Variants in CEP76 observed in about 807,000 individuals in gnomAD.
CEP76 encodes the protein centrosomal protein 76, also known as centrosomal protein of 76 kDa.
Under a neutral mutation model 83.3 loss-of-function variants are expected in CEP76, and 55 were observed. The observed-to-expected ratio is 0.66, with a 90% CI of 0.53 to 0.83. The LOEUF (loss-of-function observed/expected upper bound fraction) is 0.83, where lower values mean the gene tolerates loss of function less well. Among genes scored for constraint, CEP76 ranks in the 40% least tolerant of loss-of-function variants. The pLI is 0.00. For missense variants in CEP76, 694 were observed against 799.5 expected, an observed-to-expected ratio of 0.87 and a Z score of 1.59; for synonymous variants, 270 against 274.5, an observed-to-expected ratio of 0.98 and a Z score of 0.16.
At chr18:12,694,961 C>T (rs886741628) in intron 6 of CEP76, among the ~76,000 whole-genome samples, 15 of 151,958 alleles carry the variant, frequency 9.9e-5, no homozygotes, top group African/African-American at 2.9e-4. Flanking sequence ...GTGATCCGCC[C>T]GCCTCGGCCT....
In CEP76 at chr18:12,697,322, C is replaced by G. The variant is rs74943012; in HGVS notation, c.607G>C (p.Gly203Arg). 1.0e-3 allele frequency: 1,650 copies of G among 1,613,796 alleles called. 5 individuals carry two copies. The Middle Eastern group carries it at 0.01, about 10-fold the overall frequency. ...HMVLIKTDIFGETTLVASYFL... is the reference protein window; with the variant it reads ...HMVLIKTDIFRETTLVASYFL... The stretch of plus-strand genomic sequence containing the variant: ...TATGATGCTACTAAAGTCGTCTCAC[C>G]AAATATGTCTGTTTTGATTAGCACC... Residue 203 changes from glycine to arginine, a missense_variant, in exon 5 of 12, where the codon GGT becomes CGT. By Grantham distance (125) the Gly-to-Arg change is moderately radical. Coordinates refer to ENST00000262127, the MANE Select transcript of CEP76 (RefSeq NM_024899.4).
At chr18:12,691,102 C>T (rs930290475) in intron 7 of CEP76, 11 of 326,196 alleles carry the variant, frequency 3.4e-5, no homozygotes, top group African/African-American at 2.4e-4. Flanking sequence ...GGGTTTAAAA[C>T]ACAATAATTG....
chr18:12,687,316 C>T (rs958606944), intron 7 of CEP76, among the ~76,000 whole-genome samples: 1 of 152,050 alleles, frequency 6.6e-6, no homozygotes, highest in Non-Finnish European at 1.5e-5. Context: ...CCAATATAGT[C>T]CCATACTTTA....
chr18:12,695,228 A>G, intron 6 of CEP76, 26 bp downstream of exon 6: 1 of 1,074,894 alleles, frequency 9.3e-7, no homozygotes, highest in Non-Finnish European at 1.3e-6. Flanking sequence ...AAACACACAA[A>G]AAAAGAGAAA....
chr18:12,693,405 G>C (rs2039836005), intron 6 of CEP76, among the ~76,000 whole-genome samples: 1 of 151,722 alleles, frequency 6.6e-6, no homozygotes, highest in African/African-American at 2.4e-5. Flanking sequence ...GCCTGAGAGA[G>C]TGAGATGCTG....
chr18:12,671,866 G>A (rs766683287), downstream of CEP76, among the ~76,000 whole-genome samples: 2 of 152,082 alleles, frequency 1.3e-5, no homozygotes, highest in South Asian at 2.1e-4. Flanking sequence ...TGTTGCCCAC[G>A]CTGGAGTACA....
intron 9 of CEP76, among the ~76,000 whole-genome samples, chr18:12,678,728 G>C (rs964626438): frequency 1.3e-5 from 2 of 149,304 alleles, no homozygotes; most frequent in East Asian, 3.9e-4. Context: ...GGCCGAGGCA[G>C]GGGGATCACC....
chr18:12,676,279 CTTTTTTTTTTT>C (rs1157897766), intron 10 of CEP76, among the ~76,000 whole-genome samples: 10 of 106,430 alleles, frequency 9.4e-5, no homozygotes, highest in East Asian at 5.8e-4. Flanking sequence ...ACAGTAATTC[CTTTTTTTTTTT>C]TTTTTTTTTT....
In CEP76 at chr18:12,698,959, A is replaced by G. The variant is rs1243308998; in HGVS notation, c.520+20T>C. ...ACAAAGATTTACTCAATTAAATGAC[A>G]ATTTATTACTGTTTCTTACCCAAGC... On this transcript the variant is annotated intron_variant, in intron 4 of 11. Transcript: ENST00000262127. The G allele has an allele frequency of 3.3e-6, 5 of 1,500,532 alleles. No individual in the cohort carries two copies. In the East Asian group the frequency reaches 6.8e-5, roughly 20 times the overall value. The allele number at this position is 1,500,532 out of a possible 1,614,324, so 93.0% of individuals were successfully genotyped here. A position where few individuals can be genotyped will look rare whatever the true frequency, so the allele number is the denominator to read the frequency against.
Position 12,702,559 on chromosome 18 carries a change from G to C in CEP76, c.-11C>G, listed in dbSNP as rs1464678719. The C allele has an allele frequency of 6.4e-7, 1 of 1,569,396 alleles. No individual in the cohort carries two copies. The highest frequency in any genetic ancestry group is 8.6e-7 in the Non-Finnish European group (1 of 1,159,932). ...CGGAGGCAGCGACATGCTGGCAGCC[G>C]GCGTCTCCCCGCCGCTTCTCCCCGC... is the stretch of plus-strand genomic sequence containing the variant. On this transcript the variant is annotated 5_prime_UTR_variant, in exon 1 of 12. Coordinates refer to ENST00000262127, the MANE Select transcript of CEP76 (RefSeq NM_024899.4).
chr18:12,694,475 G>A lies in CEP76; in HGVS notation c.804+779C>T, dbSNP rs537695908. Among the ~76,000 whole-genome samples, 28 of 152,228 alleles carry A rather than the reference G, an allele frequency of 1.8e-4. No individual in the cohort carries two copies. The South Asian group carries it at 5.4e-3, about 29-fold the overall frequency. On this transcript the variant is annotated intron_variant, in intron 6 of 11. Transcript: ENST00000262127. ...ATGTGAAGGAATGAAAAAATCTGCC[G>A]ATCTTTTAAGACCCAGGAAGAAAGT...
rs1228470079 is a variant in CEP76 at position 12,673,472 on chromosome 18, G to A, written c.1873C>T (p.Arg625Cys). 13 of 1,584,098 alleles carry A rather than the reference G, an allele frequency of 8.2e-6. No homozygotes were observed. Among genetic ancestry groups the A allele is most frequent in the East Asian group, 2.3e-5 (1 of 43,252 alleles). The change falls in exon 12 of 12, where the codon CGT becomes TGT. Residue 625 changes from arginine to cysteine, a missense_variant. Transcript: ENST00000262127. ...ACTGCCAGTCGCACTTGGTCTCCAC[G>A]GCAACAGATTATTTCTTCACAGAAA... Reference protein sequence around the residue: ...SPFCEEIICCRGDQVRLAVRV... With the variant: ...SPFCEEIICCCGDQVRLAVRV...
chr18:12,669,847 A>C (rs374491327), downstream of CEP76, among the ~76,000 whole-genome samples: 1 of 151,878 alleles, frequency 6.6e-6, no homozygotes, highest in Non-Finnish European at 1.5e-5. Context: ...CTTAAAAAAA[A>C]TTAGCCAAGT....
chr18:12,678,536 T>A, intron 9 of CEP76, 94 bp from the exon 10 acceptor site: 1 of 771,714 alleles, frequency 1.3e-6, no homozygotes, highest in Non-Finnish European at 2.0e-6. Flanking sequence ...AGGCCATAAC[T>A]ACTTCTCAGA....
chr18:12,698,899 A>G, intron 4 of CEP76, 80 bp downstream of exon 4: 1 of 1,050,786 alleles, frequency 9.5e-7, no homozygotes, highest in East Asian at 2.5e-5. Context: ...CTCCTTACAG[A>G]AAAAGTCATT....
At chr18:12,665,863 A>G (rs571144569) in intron 12 of CEP76, among the ~76,000 whole-genome samples, 1 of 152,148 alleles carries the variant, frequency 6.6e-6, no homozygotes, top group Non-Finnish European at 1.5e-5. Flanking sequence ...CACCCAGCTA[A>G]TTTTTGTATT....
Position 12,698,459 on chromosome 18 carries a change from A to G in CEP76, c.520+520T>C, listed in dbSNP as rs570189455. ...GCTGGGATTACAGGCATGAGCCACCACACCCAGCCTATTTTTTATTTTTTG... is the reference window on the plus strand; with the variant it reads ...GCTGGGATTACAGGCATGAGCCACCGCACCCAGCCTATTTTTTATTTTTTG... On this transcript the variant is annotated intron_variant, in intron 4 of 11. Transcript: ENST00000262127. Among the ~76,000 whole-genome samples the G allele has an allele frequency of 1.8e-3, 276 of 152,166 alleles. 1 individual carries two copies. The highest frequency in any genetic ancestry group is 6.4e-3 in the African/African-American group (267 of 41,520).
chr18:12,678,039 C>A, intron 10 of CEP76, 70 bp downstream of exon 10: 2 of 1,258,712 alleles, frequency 1.6e-6, no homozygotes, highest in South Asian at 1.4e-5. Flanking sequence ...CACTATCACA[C>A]ACACCAAAAA....
Position 12,678,144 on chromosome 18 carries a change from T to C in CEP76, c.1588A>G (p.Met530Val), listed in dbSNP as rs2039211346. Residue 530 changes from methionine (M) to valine (V), a missense_variant, in exon 10 of 12, where the codon ATG becomes GTG. By Grantham distance (21) the Met-to-Val change is conservative (BLOSUM62 1). Transcript: ENST00000262127. ...TCTGACACCAGGAGCCTCAGCTGCA[T>C]TTCAATTTCATTACTTGTTACTGAC... is the stretch of plus-strand genomic sequence containing the variant. The part of the protein sequence containing the change: ...DASVTSNEIE[M>V]QLRLLVSEHR... The C allele has an allele frequency of 1.9e-6, 3 of 1,613,514 alleles. No individual in the cohort carries two copies. The highest frequency in any genetic ancestry group is 1.3e-5 in the African/African-American group (1 of 75,048).
Sources: allele counts gnomAD v4.1 joint callset (sites outside exome capture counted in the v4.1 genomes callset), GRCh38; gene constraint gnomAD v4.1.1; transcripts MANE v1.5; gene names NCBI Gene and HGNC (gene_info 2026-07-23, HGNC 2026-07-21).